HPSE2: variants seen among roughly 807,000 people sequenced by gnomAD.
The protein encoded by HPSE2 is heparanase 2 (inactive).
Under a neutral mutation model 60.5 loss-of-function variants are expected in HPSE2, and 38 were observed. The observed-to-expected ratio is 0.63, with a 90% CI of 0.48 to 0.82. HPSE2 has a LOEUF of 0.82. HPSE2 is among the 40% of genes least tolerant of loss of function. The pLI, the probability that HPSE2 is intolerant of heterozygous loss-of-function variation, is 0.00. For synonymous variants in HPSE2, 295 were observed against 293.2 expected, an observed-to-expected ratio of 1.01 and a Z score of -0.06; for missense variants, 713 against 740.4, an observed-to-expected ratio of 0.96 and a Z score of 0.43.
rs887026092 is a variant in HPSE2 at position 99,067,253 on chromosome 10, C to G, written c.610+76985G>C. ...TGAGTGTCTGTGGCTTTTCCAGGTG[C>G]ATGGTGCAATCTGTCAGTGGATCTA... On this transcript the variant is annotated intron_variant, in intron 3 of 11. Coordinates refer to ENST00000370552, the MANE Select transcript of HPSE2 (RefSeq NM_021828.5). Among the ~76,000 whole-genome samples the G allele has an allele frequency of 3.9e-5, 6 of 152,170 alleles. No individual in the cohort carries two copies. In the East Asian group the frequency reaches 1.2e-3, roughly 29 times the overall value.
chr10:99,129,646 G>A (rs1845302150), intron 3 of HPSE2, among the ~76,000 whole-genome samples: 1 of 151,718 alleles, frequency 6.6e-6, no homozygotes, highest in African/African-American at 2.4e-5. Context: ...ATGCTAAGAG[G>A]AAAGTTCATA....
intron 3 of HPSE2, among the ~76,000 whole-genome samples, chr10:98,941,713 G>A (rs1420517744): frequency 7.4e-6 from 1 of 135,378 alleles, no homozygotes; most frequent in Non-Finnish European, 1.5e-5. Flanking sequence ...TTTCTTCACA[G>A]AATTGGAAAA....
intron 6 of HPSE2, among the ~76,000 whole-genome samples, chr10:98,673,466 C>T (rs940639801): frequency 1.3e-5 from 2 of 152,192 alleles, no homozygotes; most frequent in African/African-American, 4.8e-5. Context: ...TTCTGCTCAT[C>T]AGAGCAGAAT....
chr10:98,507,885 C>T (rs1428601140), intron 9 of HPSE2, among the ~76,000 whole-genome samples: 3 of 151,900 alleles, frequency 2.0e-5, no homozygotes, highest in Admixed American at 2.0e-4. Context: ...TTTCTTAAGG[C>T]AATGACATGA....
At chr10:99,001,617 G>C (rs567529753) in intron 3 of HPSE2, among the ~76,000 whole-genome samples, 30 of 152,118 alleles carry the variant, frequency 2.0e-4, no homozygotes, top group African/African-American at 5.8e-4. Flanking sequence ...TGACAGAAAA[G>C]ATACTTTGTA....
intron 9 of HPSE2, among the ~76,000 whole-genome samples, chr10:98,566,051 GC>G (rs1363878889): frequency 2.0e-5 from 3 of 152,112 alleles, no homozygotes; most frequent in Non-Finnish European, 4.4e-5. Flanking sequence ...TTGCTGCAGT[GC>G]CCAGCCCAGA....
intron 2 of HPSE2, among the ~76,000 whole-genome samples, chr10:99,231,592 T>C (rs934160434): frequency 3.3e-5 from 5 of 152,158 alleles, no homozygotes; most frequent in African/African-American, 9.7e-5. Context: ...CCAAAAAAGA[T>C]TGGCCTCTCA....
intron 2 of HPSE2, among the ~76,000 whole-genome samples, chr10:99,207,955 G>A (rs981569204): frequency 2.0e-5 from 3 of 150,486 alleles, no homozygotes; most frequent in African/African-American, 7.3e-5. Context: ...GGCACAGTAA[G>A]AGATTAACAA....
intron 3 of HPSE2, among the ~76,000 whole-genome samples, chr10:98,861,949 C>A (rs150233367): frequency 6.6e-6 from 1 of 152,260 alleles, no homozygotes; most frequent in South Asian, 2.1e-4. Context: ...AATATAGGCC[C>A]TCTAGCGTTT....
chr10:98,551,532 C>A (rs1271490470), intron 9 of HPSE2, among the ~76,000 whole-genome samples: 1 of 152,134 alleles, frequency 6.6e-6, no homozygotes, highest in African/African-American at 2.4e-5. Flanking sequence ...CCGAACTAAG[C>A]CAATCAAATT....
chr10:99,198,923 T>C (rs1418855243), intron 2 of HPSE2, among the ~76,000 whole-genome samples: 3 of 152,182 alleles, frequency 2.0e-5, no homozygotes, highest in Non-Finnish European at 4.4e-5. Flanking sequence ...ATACTTCATA[T>C]AAGCGAGATC....
In HPSE2 at chr10:98,939,234, A is replaced by C. The variant is rs1954910752; in HGVS notation, c.611-195178T>G. On this transcript the variant is annotated intron_variant, in intron 3 of 11. Coordinates refer to ENST00000370552, the MANE Select transcript of HPSE2 (RefSeq NM_021828.5). ...TGACAGGATAAATTCACACATAACAATATTAACTTTAATTGTAAATGGATT... is the reference window on the plus strand; with the variant it reads ...TGACAGGATAAATTCACACATAACACTATTAACTTTAATTGTAAATGGATT... Among the ~76,000 whole-genome samples, 2 of 143,876 alleles carry C rather than the reference A, an allele frequency of 1.4e-5. 1 individual carries two copies. Among genetic ancestry groups the C allele is most frequent in the African/African-American group, 5.7e-5 (2 of 35,284 alleles). The allele number at this position is 143,876 out of a possible 152,430, so 94.4% of individuals were successfully genotyped here.
chr10:99,264,923 A>G, the HPSE2 span, among the ~76,000 whole-genome samples: 1 of 151,618 alleles, frequency 6.6e-6, no homozygotes, highest in Non-Finnish European at 1.5e-5. Flanking sequence ...ATCTCTCCAT[A>G]CCACCCCCCA....
At chr10:98,817,073 T>C (rs1169029602) in intron 3 of HPSE2, among the ~76,000 whole-genome samples, 2 of 151,962 alleles carry the variant, frequency 1.3e-5, no homozygotes, top group Non-Finnish European at 2.9e-5. Context: ...CTCCCTCCCT[T>C]TGGTTGAGGT....
intron 3 of HPSE2, among the ~76,000 whole-genome samples, chr10:99,100,049 G>A (rs1261801196): frequency 2.0e-5 from 3 of 152,148 alleles, no homozygotes; most frequent in Admixed American, 1.3e-4. Flanking sequence ...GGAAAAAACA[G>A]AGCAGAAAAG....
At chr10:98,908,133 C>T (rs1393574048) in intron 3 of HPSE2, among the ~76,000 whole-genome samples, 1 of 152,110 alleles carries the variant, frequency 6.6e-6, no homozygotes, top group Non-Finnish European at 1.5e-5. Context: ...AGGCACTATT[C>T]TAAGCTCTTT....
At position 98,930,418 on chromosome 10, in the gene HPSE2, C is replaced by T. The variant is rs1033570829; in HGVS notation, c.611-186362G>A. Among the ~76,000 whole-genome samples the T allele has an allele frequency of 2.1e-5, 3 of 144,394 alleles. 1 individual carries two copies. Among genetic ancestry groups the T allele is most frequent in the Admixed American group, 2.1e-4 (3 of 14,542 alleles). The allele number at this position is 144,394 out of a possible 152,430, so 94.7% of individuals were successfully genotyped here. ...CATTTGGGTTGATTCCATGTCTTTG[C>T]TATTGTGAATAGTGCTGCAATGAAC... On this transcript the variant is annotated intron_variant, in intron 3 of 11. Transcript: ENST00000370552.
intron 3 of HPSE2, among the ~76,000 whole-genome samples, chr10:98,959,071 T>C (rs1464049778): frequency 6.6e-6 from 1 of 152,086 alleles, no homozygotes; most frequent in Non-Finnish European, 1.5e-5. Flanking sequence ...GTAGTAAGCA[T>C]AGAAGGCACT....
intron 9 of HPSE2, among the ~76,000 whole-genome samples, chr10:98,531,440 T>A (rs924369854): frequency 4.6e-5 from 7 of 152,136 alleles, no homozygotes; most frequent in African/African-American, 1.7e-4. Flanking sequence ...CAGCCCCACA[T>A]CCAAGGGTGT....
Sources: allele counts gnomAD v4.1 joint callset (sites outside exome capture counted in the v4.1 genomes callset), GRCh38; gene constraint gnomAD v4.1.1; transcripts MANE v1.5; gene names NCBI Gene and HGNC (gene_info 2026-07-23, HGNC 2026-07-21).